CMIP: variants seen among roughly 807,000 people sequenced by gnomAD.
The protein encoded by CMIP is c-Maf inducing protein.
In CMIP, 13 loss-of-function variants were observed where a neutral mutation model predicts 97.3. That is an observed-to-expected ratio of 0.13 (90% CI 0.09 to 0.21). The LOEUF (loss-of-function observed/expected upper bound fraction) is 0.21. CMIP is among the 10% of genes least tolerant of loss of function. CMIP has a pLI of 1.00. For missense variants in CMIP, 847 were observed against 1,024.9 expected (o/e 0.83, Z 2.37); for synonymous variants, 538 against 436.3 (o/e 1.23, Z -2.91).
At chr16:81,457,190 G>A (rs550495257) in intron 1 of CMIP, among the ~76,000 whole-genome samples, 1 of 152,152 alleles carries the variant, frequency 6.6e-6, no homozygotes, top group East Asian at 1.9e-4. Context: ...CCGCCAGTCA[G>A]TGGTTTTCCA....
chr16:81,670,631 G>T (rs979945830), intron 8 of CMIP, among the ~76,000 whole-genome samples: 32 of 147,070 alleles, frequency 2.2e-4, no homozygotes, highest in Non-Finnish European at 3.9e-4. Flanking sequence ...GGGGGGGGGG[G>T]GGGTGGTTGC....
chr16:81,513,983 A>T (rs2089862218), intron 1 of CMIP, among the ~76,000 whole-genome samples: 1 of 152,204 alleles, frequency 6.6e-6, no homozygotes, highest in African/African-American at 2.4e-5. Flanking sequence ...ACCCCAAAAC[A>T]GACCATGGGG....
chr16:81,649,541 GT>G (rs1295829613), intron 3 of CMIP, among the ~76,000 whole-genome samples: 1 of 152,222 alleles, frequency 6.6e-6, no homozygotes, highest in African/African-American at 2.4e-5. Flanking sequence ...CTGGAATGAT[GT>G]TCACCAAATA....
intron 1 of CMIP, among the ~76,000 whole-genome samples, chr16:81,499,537 C>T (rs1293186803): frequency 2.0e-5 from 3 of 152,256 alleles, no homozygotes; most frequent in Admixed American, 1.3e-4. Context: ...ACCTTAGCAT[C>T]CGCCTGTCCC....
At chr16:81,446,946 C>T (rs1229087168) in intron 1 of CMIP, among the ~76,000 whole-genome samples, 2 of 150,630 alleles carry the variant, frequency 1.3e-5, no homozygotes, top group Non-Finnish European at 2.9e-5. Context: ...CCTGTGGGCA[C>T]GTTGGTGCAA....
chr16:81,477,193 T>C (rs1024425998), intron 1 of CMIP, among the ~76,000 whole-genome samples: 1 of 152,140 alleles, frequency 6.6e-6, no homozygotes, highest in African/African-American at 2.4e-5. Flanking sequence ...TCTTGCTGTG[T>C]TGCCCAGGCT....
chr16:81,449,316 A>T (rs1051752410), intron 1 of CMIP, among the ~76,000 whole-genome samples: 4 of 152,152 alleles, frequency 2.6e-5, no homozygotes, highest in Non-Finnish European at 4.4e-5. Context: ...GTTTGATTGC[A>T]ATGTTTCTGG....
chr16:81,529,390 G>A (rs2090189661), intron 1 of CMIP, among the ~76,000 whole-genome samples: 1 of 152,146 alleles, frequency 6.6e-6, no homozygotes, highest in Admixed American at 6.5e-5. Flanking sequence ...GAGTGTGAGG[G>A]GCTGGGTGAC....
chr16:81,621,181 G>C lies in CMIP; in HGVS notation c.477+255G>C, dbSNP rs1324508903. The C allele has an allele frequency of 7.1e-6, 3 of 423,092 alleles. No homozygotes were observed. Among genetic ancestry groups the C allele is most frequent in the Non-Finnish European group, 1.3e-5 (3 of 229,782 alleles). 26.2% of individuals were successfully genotyped at this position (423,092 alleles called of 1,614,324 possible). Reference sequence around the variant, plus strand: ...TATAGCTGTTTTCCTGCTTCAAAAGGATCATAGAACTGCTTGCTCTCAGAG... The same window carrying C: ...TATAGCTGTTTTCCTGCTTCAAAAGCATCATAGAACTGCTTGCTCTCAGAG... On this transcript the variant is annotated intron_variant, in intron 3 of 20. Transcript: ENST00000537098. The surrounding 1 kb of genome is among the most constrained non-coding windows in gnomAD (Gnocchi z 4.1).
At position 81,503,008 on chromosome 16, in the gene CMIP, G is replaced by A. The variant is rs770253201; in HGVS notation, c.300+57467G>A. Among the ~76,000 whole-genome samples the A allele has an allele frequency of 2.0e-5, 3 of 151,410 alleles. No homozygotes were observed. In the South Asian group the frequency reaches 6.3e-4, roughly 32 times the overall value. On this transcript the variant is annotated intron_variant, in intron 1 of 20. Transcript: ENST00000537098. ...ATGTCGTGGGATGTGGCTTTCCCAG[G>A]CAGTCTGTTAAGCAGCCAGAGATCT...
At chr16:81,667,799 A>T (rs13332525) in intron 7 of CMIP, among the ~76,000 whole-genome samples, 20,899 of 58,578 alleles carry the variant, frequency 0.36, 3,491 homozygotes, top group Non-Finnish European at 0.41. Context: ...AGAGAGAGAG[A>T]GTGTGTGTGT....
chr16:81,658,410 C>G (rs903034247), intron 5 of CMIP, among the ~76,000 whole-genome samples: 6 of 152,212 alleles, frequency 3.9e-5, no homozygotes, highest in Non-Finnish European at 7.3e-5. Context: ...TCACAGATAA[C>G]CTAGTCCCTA....
chr16:81,603,163 T>G (rs947977391), intron 1 of CMIP, among the ~76,000 whole-genome samples: 1 of 152,182 alleles, frequency 6.6e-6, no homozygotes, highest in Non-Finnish European at 1.5e-5. Flanking sequence ...CACTGCAAGC[T>G]TCACCTCCCG....
chr16:81,457,222 G>A (rs963762382), intron 1 of CMIP, among the ~76,000 whole-genome samples: 1 of 152,014 alleles, frequency 6.6e-6, no homozygotes, highest in Non-Finnish European at 1.5e-5. Context: ...CCCAGTTGGA[G>A]CCAGGGCTTG....
Position 81,519,134 on chromosome 16 carries a change from CA to C in CMIP, c.300+73597del, listed in dbSNP as rs537401383. On this transcript the variant is annotated intron_variant, in intron 1 of 20. Coordinates refer to ENST00000537098, the MANE Select transcript of CMIP (RefSeq NM_198390.3). ...AGGCATGAGCCACTGTACCCGGCCT[CA>C]AAATATTTTTTAACAGAAGTAGCAG... 1.6e-3 allele frequency: 248 copies of C among 152,272 alleles called. 1 individual carries two copies. The highest frequency in any genetic ancestry group is 5.8e-3 in the African/African-American group (242 of 41,538). The allele number at this position is 152,272 out of a possible 1,614,324, so 9.4% of individuals were successfully genotyped here. A position where few individuals can be genotyped will look rare whatever the true frequency, so the allele number is the denominator to read the frequency against.
chr16:81,534,801 G>C (rs914727338), intron 1 of CMIP, among the ~76,000 whole-genome samples: 5 of 152,162 alleles, frequency 3.3e-5, no homozygotes, highest in African/African-American at 1.2e-4. Context: ...TCAATAGTGT[G>C]CCCTTTTCCC....
chr16:81,619,540 C>G lies in CMIP; in HGVS notation c.427-1336C>G, dbSNP rs375773291. 2.6e-5 allele frequency: 4 copies of G among 152,400 alleles called. No individual in the cohort carries two copies. In the East Asian group the frequency reaches 5.8e-4, roughly 22 times the overall value. 9.4% of individuals were successfully genotyped at this position (152,400 alleles called of 1,614,324 possible). On this transcript the variant is annotated intron_variant, in intron 2 of 20. Coordinates refer to ENST00000537098, the MANE Select transcript of CMIP (RefSeq NM_198390.3). ...TTCGTGCTTGGAGAGAGACTCTAGC[C>G]TTCGTCAGACCCCCTGAACCGTCAG...
chr16:81,505,598 T>C (rs1228623035), intron 1 of CMIP, among the ~76,000 whole-genome samples: 1 of 152,220 alleles, frequency 6.6e-6, no homozygotes, highest in East Asian at 1.9e-4. Context: ...TTATGAGTAG[T>C]GTCAGGGAGC....
chr16:81,702,238 AGT>A (rs1357633300), intron 16 of CMIP, among the ~76,000 whole-genome samples: 1 of 152,124 alleles, frequency 6.6e-6, no homozygotes, highest in Non-Finnish European at 1.5e-5. Flanking sequence ...TTCTGGGGAG[AGT>A]GTGTAGAAAT....
Sources: allele counts gnomAD v4.1 joint callset (sites outside exome capture counted in the v4.1 genomes callset), GRCh38; gene constraint gnomAD v4.1.1; non-coding constraint Gnocchi (gnomAD v3.1); transcripts MANE v1.5; gene names NCBI Gene and HGNC (gene_info 2026-07-23, HGNC 2026-07-21).